Variants in UST observed in about 807,000 individuals in gnomAD.
UST encodes chondroitin sulfate 2-O-sulfotransferase.
In UST, 21 loss-of-function variants were observed where a neutral mutation model predicts 45.6. The observed-to-expected ratio is 0.46, with a 90% CI of 0.33 to 0.66. UST has a LOEUF of 0.66. UST is among the 30% of genes least tolerant of loss of function. The pLI, the probability that UST is intolerant of heterozygous loss-of-function variation, is 0.02. For synonymous variants in UST, 215 were observed against 200.6 expected, an observed-to-expected ratio of 1.07 and a Z score of -0.61; for missense variants, 463 against 512.4, an observed-to-expected ratio of 0.90 and a Z score of 0.93.
chr6:149,017,046 TCA>T (rs1156485982), intron 5 of UST, among the ~76,000 whole-genome samples: 2 of 152,250 alleles, frequency 1.3e-5, no homozygotes, highest in African/African-American at 4.8e-5. Flanking sequence ...TTGGTTTGTT[TCA>T]CAGTGTGTAA....
At chr6:148,882,634 C>T (rs910010077) in intron 1 of UST, among the ~76,000 whole-genome samples, 4 of 151,560 alleles carry the variant, frequency 2.6e-5, no homozygotes, top group Admixed American at 6.6e-5. Context: ...AAGAAAATGA[C>T]GAATTATATT....
Position 148,782,481 on chromosome 6 carries a change from C to T in UST, c.247+34804C>T, listed in dbSNP as rs900284335. 5.4e-5 allele frequency among the ~76,000 whole-genome samples: 8 copies of T among 148,736 alleles called. No individual in the cohort carries two copies. The East Asian group carries it at 1.2e-3, about 23-fold the overall frequency. On this transcript the variant is annotated intron_variant, in intron 1 of 7. Coordinates refer to ENST00000367463, the MANE Select transcript of UST (RefSeq NM_005715.3). The stretch of plus-strand genomic sequence containing the variant: ...TCTTTTTTTTTTTGAGACAGAGTCT[C>T]GCTCTGTCACCCAGGCTGGAGTGCA...
At chr6:148,782,857 A>C (rs1421461481) in intron 1 of UST, among the ~76,000 whole-genome samples, 1 of 152,240 alleles carries the variant, frequency 6.6e-6, no homozygotes, top group African/African-American at 2.4e-5. Context: ...AGGATTTTGA[A>C]TATTTCATAA....
At chr6:148,923,200 G>C (rs111369491) in intron 2 of UST, among the ~76,000 whole-genome samples, 1,806 of 152,292 alleles carry the variant, frequency 0.012, 27 homozygotes, top group African/African-American at 0.041. Flanking sequence ...CATTTCATGG[G>C]CATTTCAGTC....
chr6:148,786,381 C>G (rs1176928876), intron 1 of UST, among the ~76,000 whole-genome samples: 2 of 152,250 alleles, frequency 1.3e-5, no homozygotes, highest in East Asian at 3.9e-4. Context: ...AATCCTCTCC[C>G]TCTTCCCACC....
chr6:149,049,094 G>C (rs888448956), intron 7 of UST, among the ~76,000 whole-genome samples: 4 of 152,084 alleles, frequency 2.6e-5, no homozygotes, highest in Non-Finnish European at 5.9e-5. Flanking sequence ...TAAAATTGAT[G>C]TGTTAATTAA....
At chr6:148,975,260 G>A (rs555722140) in intron 5 of UST, among the ~76,000 whole-genome samples, 1 of 152,136 alleles carries the variant, frequency 6.6e-6, no homozygotes, top group African/African-American at 2.4e-5. Context: ...ATTATTTCAT[G>A]TCTGTAAGTC....
intron 1 of UST, among the ~76,000 whole-genome samples, chr6:148,804,434 C>T (rs943368283): frequency 4.6e-5 from 7 of 152,078 alleles, no homozygotes; most frequent in African/African-American, 1.4e-4. Context: ...GCTGTAAGGC[C>T]ACCCTTGGTG....
intron 1 of UST, among the ~76,000 whole-genome samples, chr6:148,826,728 A>G (rs957231896): frequency 6.6e-6 from 1 of 152,236 alleles, no homozygotes; most frequent in Admixed American, 6.5e-5. Context: ...TCAAGGGGCC[A>G]GGAGGGCTGC....
At chr6:149,010,110 T>G (rs1400659279) in intron 5 of UST, among the ~76,000 whole-genome samples, 2 of 152,180 alleles carry the variant, frequency 1.3e-5, no homozygotes, top group African/African-American at 4.8e-5. Context: ...TACATATTCT[T>G]TGTAAACATT....
chr6:148,949,960 A>G (rs1019441391), intron 3 of UST, among the ~76,000 whole-genome samples: 4 of 152,142 alleles, frequency 2.6e-5, no homozygotes, highest in African/African-American at 9.7e-5. Context: ...AGCATTGCCC[A>G]TCTCCATGAA....
At chr6:149,011,626 C>T (rs1775811876) in intron 5 of UST, among the ~76,000 whole-genome samples, 1 of 152,122 alleles carries the variant, frequency 6.6e-6, no homozygotes, top group Non-Finnish European at 1.5e-5. Context: ...GCCTGGCTAA[C>T]ATGGCAAAAC....
intron 1 of UST, among the ~76,000 whole-genome samples, chr6:148,867,626 A>G (rs961151322): frequency 6.6e-6 from 1 of 152,120 alleles, no homozygotes; most frequent in Non-Finnish European, 1.5e-5. Flanking sequence ...TGATGGTTTG[A>G]TAAGGGGAAA....
At chr6:148,865,686 G>A (rs1778414092) in intron 1 of UST, among the ~76,000 whole-genome samples, 1 of 151,168 alleles carries the variant, frequency 6.6e-6, no homozygotes, top group East Asian at 1.9e-4. Context: ...GTGTGTGTGT[G>A]TGTGTGTGTG....
At chr6:148,867,614 T>G (rs984726038) in intron 1 of UST, among the ~76,000 whole-genome samples, 7 of 152,130 alleles carry the variant, frequency 4.6e-5, no homozygotes, top group African/African-American at 1.7e-4. Context: ...TCTCGTGAGA[T>G]CTGATGGTTT....
chr6:148,827,000 C>A (rs72999183), intron 1 of UST, among the ~76,000 whole-genome samples: 1,624 of 152,076 alleles, frequency 0.011, 20 homozygotes, highest in Admixed American at 0.022. Flanking sequence ...TTTTGCCATG[C>A]AAGGTAATAC....
chr6:148,868,470 C>T (rs576847919), intron 1 of UST, among the ~76,000 whole-genome samples: 1 of 151,146 alleles, frequency 6.6e-6, no homozygotes, highest in Non-Finnish European at 1.5e-5. Flanking sequence ...TGACTCACTT[C>T]GTCTTTGAAA....
At chr6:149,039,017 T>C (rs1366077353) in intron 7 of UST, among the ~76,000 whole-genome samples, 5 of 152,160 alleles carry the variant, frequency 3.3e-5, no homozygotes, top group African/African-American at 1.2e-4. Context: ...ACACACACAA[T>C]ATGCTTAGCA....
chr6:148,753,232 C>A (rs758491799), intron 1 of UST, among the ~76,000 whole-genome samples: 1 of 152,136 alleles, frequency 6.6e-6, no homozygotes, highest in Non-Finnish European at 1.5e-5. Context: ...ACCATTGCCA[C>A]AATTTTAGAT....
Sources: allele counts gnomAD v4.1 joint callset (sites outside exome capture counted in the v4.1 genomes callset), GRCh38; gene constraint gnomAD v4.1.1; transcripts MANE v1.5; gene names NCBI Gene and HGNC (gene_info 2026-07-23, HGNC 2026-07-21).